MRPS18B: variants seen among roughly 807,000 people sequenced by gnomAD.
The protein encoded by MRPS18B is small ribosomal subunit protein mS40.
A neutral mutation model predicts 28.4 loss-of-function variants in MRPS18B; 27 were observed. That is an observed-to-expected ratio of 0.95 (90% CI 0.70 to 1.31). The LOEUF (loss-of-function observed/expected upper bound fraction) is 1.31, where lower values mean the gene tolerates loss of function less well. Among genes scored for constraint, MRPS18B ranks in the 40% most tolerant of loss-of-function variants. MRPS18B has a pLI of 0.00. For synonymous variants in MRPS18B, 118 were observed against 123.7 expected (o/e 0.95, Z 0.30); for missense variants, 343 against 335.9 (o/e 1.02, Z -0.17).
At chr6:30,619,828 G>A (rs2127463730) in intron 3 of MRPS18B, 22 bp downstream of exon 3, 14 of 1,612,052 alleles carry the variant, frequency 8.7e-6, no homozygotes, top group East Asian at 2.2e-5. Flanking sequence ...AGAGTGGGAT[G>A]TGGAGTGCGG....
chr6:30,624,867 A>G lies in MRPS18B; in HGVS notation c.422-16A>G, dbSNP rs1761388602. 2 of 1,612,094 alleles carry G rather than the reference A, an allele frequency of 1.2e-6. No homozygotes were observed. Among genetic ancestry groups the G allele is most frequent in the African/African-American group, 1.3e-5 (1 of 74,890 alleles). On this transcript the variant is annotated splice_polypyrimidine_tract_variant and intron_variant, in intron 5 of 6. Transcript: ENST00000259873. ...TTTACTGTGCCTTAAAGAACAAGAT[A>G]TTTTTCTCCCCACAGGAGTCTGTGT...
In MRPS18B at chr6:30,619,774, G is replaced by A. The variant is rs1298493614; in HGVS notation, c.253G>A (p.Val85Ile). 6.2e-7 allele frequency: 1 copy of A among 1,614,112 alleles called. No homozygotes were observed. Among genetic ancestry groups the A allele is most frequent in the African/African-American group, 1.3e-5 (1 of 74,946 alleles). ...ADYRRNHKGGVPPQRTRKTCI... is the reference protein window; with the variant it reads ...ADYRRNHKGGIPPQRTRKTCI... ...CTACCGCCGCAACCACAAGGGTGGT[G>A]TACCCCCACAGCGGACTCGGAAGAC... Residue 85 changes from valine (V) to isoleucine (I), a missense_variant, in exon 3 of 7, where the codon GTA becomes ATA. Val to Ile is a conservative substitution (Grantham distance 29). Transcript: ENST00000259873.
chr6:30,619,769 G>A lies in MRPS18B; in HGVS notation c.248G>A (p.Gly83Asp), dbSNP rs775460954. The part of the protein sequence containing the change: ...VWADYRRNHK[G>D]GVPPQRTRKT... ...GCTGACTACCGCCGCAACCACAAGG[G>A]TGGTGTACCCCCACAGCGGACTCGG... The change falls in exon 3 of 7, where the codon GGT becomes GAT. Residue 83 changes from glycine (G) to aspartate (D), a missense_variant. Physicochemically the swap from Gly to Asp is moderately conservative, Grantham distance 94. Transcript: ENST00000259873. 1.9e-6 allele frequency: 3 copies of A among 1,614,234 alleles called. No homozygotes were observed. In the Admixed American group the frequency reaches 5.0e-5, roughly 27 times the overall value.
chr6:30,624,361 G>C (rs531960527), intron 5 of MRPS18B, among the ~76,000 whole-genome samples: 1 of 152,244 alleles, frequency 6.6e-6, no homozygotes, highest in African/African-American at 2.4e-5. Flanking sequence ...CTCCCAAAAT[G>C]CTGGGATTAT....
chr6:30,625,022 C>A, intron 6 of MRPS18B, 80 bp downstream of exon 6: 1 of 1,491,526 alleles, frequency 6.7e-7, no homozygotes, highest in Non-Finnish European at 9.3e-7. Context: ...GATATAAATG[C>A]TCACACCTGT....
At chr6:30,620,805 T>C (rs1470981586) in intron 4 of MRPS18B, among the ~76,000 whole-genome samples, 1 of 151,986 alleles carries the variant, frequency 6.6e-6, no homozygotes, top group African/African-American at 2.4e-5. Flanking sequence ...CCTGACCTTG[T>C]GACCCACCCG....
intron 4 of MRPS18B, among the ~76,000 whole-genome samples, chr6:30,621,060 A>G (rs932667938): frequency 2.6e-5 from 4 of 152,254 alleles, no homozygotes; most frequent in African/African-American, 7.2e-5. Flanking sequence ...TTATTTTTCA[A>G]AAAGCCTTCA....
Position 30,619,987 on chromosome 6 carries a change from A to C in MRPS18B, c.352A>C (p.Arg118=). Residue 118 remains arginine (R), a splice_region_variant and synonymous_variant, in exon 4 of 7, where the codon AGG becomes CGG. Transcript: ENST00000259873. ...AGATCACAAGTTGCATGTTGACTTT[A>C]GGGTAAGGAGAGTCTTTTCTTTTTA... ...CRDHKLHVDF[R]NVKLLEQFVC... 6.2e-7 allele frequency: 1 copy of C among 1,613,768 alleles called. No homozygotes were observed. Among genetic ancestry groups the C allele is most frequent in the Non-Finnish European group, 8.5e-7 (1 of 1,179,710 alleles).
chr6:30,618,078 C>A (rs936414586), intron 1 of MRPS18B, 135 bp downstream of exon 1: 3 of 283,892 alleles, frequency 1.1e-5, no homozygotes, highest in East Asian at 9.0e-5. Context: ...CTTCCTGCAA[C>A]CCCCCCCCCA....
rs771227430 is a variant in MRPS18B, at chr6:30,622,796, CT to C, written c.355-32del. 4 of 1,604,742 alleles carry C rather than the reference CT, an allele frequency of 2.5e-6. No individual in the cohort carries two copies. The South Asian group carries it at 4.4e-5, about 18-fold the overall frequency. ...AAAGATCCTGCTGCTCTCCCTGCCT[CT>C]TTTCCTCACGTTTCTCTACCACTTT... On this transcript the variant is annotated intron_variant, in intron 4 of 6. Transcript: ENST00000259873.
Position 30,625,604 on chromosome 6 carries a change from CAG to C in MRPS18B, c.585_586del (p.Gly196Ter), listed in dbSNP as rs1339982873. On this transcript the variant is annotated frameshift_variant, in exon 7 of 7. Transcript: ENST00000259873. LOFTEE classifies it high-confidence loss of function. Reference sequence around the variant, plus strand: ...ACTCCGCCAGCCCCCACCCTGGTCTCAGGTGACCCCTGGTACCCATGGTACAA... The same window carrying C: ...ACTCCGCCAGCCCCCACCCTGGTCTCGTGACCCCTGGTACCCATGGTACAA... 6.2e-7 allele frequency: 1 copy of C among 1,613,042 alleles called. No individual in the cohort carries two copies. Among genetic ancestry groups the C allele is most frequent in the Admixed American group, 1.7e-5 (1 of 60,020 alleles).
rs1227024802 is a variant in MRPS18B, at chr6:30,626,040, A to G, written c.*243A>G. The G allele has an allele frequency of 1.7e-5, 8 of 463,994 alleles. No individual in the cohort carries two copies. Among genetic ancestry groups the G allele is most frequent in the African/African-American group, 4.0e-5 (2 of 50,192 alleles). The allele number at this position is 463,994 out of a possible 1,614,324, so 28.7% of individuals were successfully genotyped here. A position where few individuals can be genotyped will look rare whatever the true frequency, so the allele number is the denominator to read the frequency against. ...CTTGATCCCAGGAGGCGGAGGTTGC[A>G]GTGAGTTGCAGTCACACCCCTGCAC... is the stretch of plus-strand genomic sequence containing the variant. On this transcript the variant is annotated 3_prime_UTR_variant, in exon 7 of 7. Transcript: ENST00000259873.
At position 30,617,844 on chromosome 6, in the gene MRPS18B, C is replaced by G. The variant is rs748299543; in HGVS notation, c.-22C>G. The G allele has an allele frequency of 6.2e-7, 1 of 1,614,112 alleles. No individual in the cohort carries two copies. Among genetic ancestry groups the G allele is most frequent in the Non-Finnish European group, 8.5e-7 (1 of 1,180,046 alleles). On this transcript the variant is annotated 5_prime_UTR_variant, in exon 1 of 7. Coordinates refer to ENST00000259873, the MANE Select transcript of MRPS18B (RefSeq NM_014046.4). ...ATGCGCAGTTGCCTTTCCGTCAATT[C>G]CTGTCCTGGGCGTACGTCAAGATGG...
At chr6:30,625,420 C>A in intron 6 of MRPS18B, 82 bp from the exon 7 acceptor site, 4 of 1,348,484 alleles carry the variant, frequency 3.0e-6, no homozygotes, top group Non-Finnish European at 4.1e-6. Context: ...ACTGGTCCTT[C>A]CCTTTATAAT....
chr6:30,622,933 T>C (rs1429763835), intron 5 of MRPS18B, 35 bp downstream of exon 5: 1 of 1,600,576 alleles, frequency 6.2e-7, no homozygotes, highest in South Asian at 1.1e-5. Context: ...CAGAGAGCTT[T>C]TCCTTGTGGC....
chr6:30,625,088 T>A, intron 6 of MRPS18B, 146 bp downstream of exon 6: 1 of 801,852 alleles, frequency 1.2e-6, no homozygotes, highest in Admixed American at 2.5e-5. Flanking sequence ...CCCTGTCCTT[T>A]CTCCTGAGTG....
chr6:30,619,615 G>C lies in MRPS18B; in HGVS notation c.187+14G>C, dbSNP rs758400481. 2.5e-6 allele frequency: 4 copies of C among 1,610,508 alleles called. No homozygotes were observed. Among genetic ancestry groups the C allele is most frequent in the Non-Finnish European group, 3.4e-6 (4 of 1,177,682 alleles). Reference sequence around the variant, plus strand: ...TGGAATCAGAAGGTACCTCTAAAGGGGGAAAGGGAGGGTCAGATAGGATTT... The same window carrying C: ...TGGAATCAGAAGGTACCTCTAAAGGCGGAAAGGGAGGGTCAGATAGGATTT... On this transcript the variant is annotated intron_variant, in intron 2 of 6. Transcript: ENST00000259873.
chr6:30,617,989 C>T lies in MRPS18B; in HGVS notation c.78+46C>T, dbSNP rs143625247. On this transcript the variant is annotated intron_variant, in intron 1 of 6. Transcript: ENST00000259873. ...TTGCACAACCTCAAGTTGGTTATAC[C>T]TTCTCGAGGTTGTCGCTCCACTGTC... is the stretch of plus-strand genomic sequence containing the variant. The T allele has an allele frequency of 8.3e-3, 13,359 of 1,600,826 alleles. 69 individuals are homozygous for T. Among genetic ancestry groups the T allele is most frequent in the Non-Finnish European group, 0.01 (11,993 of 1,168,456 alleles).
chr6:30,622,406 C>A (rs553235723), intron 4 of MRPS18B, among the ~76,000 whole-genome samples: 2 of 151,382 alleles, frequency 1.3e-5, no homozygotes, highest in Non-Finnish European at 1.5e-5. Flanking sequence ...ACTAAAGATA[C>A]AAAATAATTA....
Sources: allele counts gnomAD v4.1 joint callset (sites outside exome capture counted in the v4.1 genomes callset), GRCh38; gene constraint gnomAD v4.1.1; transcripts MANE v1.5; gene names NCBI Gene and HGNC (gene_info 2026-07-23, HGNC 2026-07-21).